NRG1: variants seen among roughly 807,000 people sequenced by gnomAD.
The protein encoded by NRG1 is pro-neuregulin-1, membrane-bound isoform.
In NRG1, 18 loss-of-function variants were observed where a neutral mutation model predicts 63.8. The ratio of observed to expected loss-of-function variants is 0.28; its 90% confidence interval spans 0.19 to 0.42. The LOEUF (loss-of-function observed/expected upper bound fraction) is 0.42, where lower values mean the gene tolerates loss of function less well. Ranked by LOEUF, NRG1 falls within the 10% of genes least tolerant of loss-of-function variation. The pLI is 1.00. For synonymous variants in NRG1, 302 were observed against 301.3 expected, an observed-to-expected ratio of 1.00 and a Z score of -0.02; for missense variants, 762 against 814.7, an observed-to-expected ratio of 0.94 and a Z score of 0.79.
At position 32,522,858 on chromosome 8, in the gene NRG1, T is replaced by C. The variant is rs1830467740; in HGVS notation, c.38-72970T>C. Among the ~76,000 whole-genome samples, 3 of 151,774 alleles carry C rather than the reference T, an allele frequency of 2.0e-5. No homozygotes were observed. In the South Asian group the frequency reaches 6.3e-4, roughly 32 times the overall value. On this transcript the variant is annotated intron_variant, in intron 1 of 10. Transcript: ENST00000519301. Reference sequence around the variant, plus strand: ...TCTGGCTTTGTCACCTAGGCTGGACTGCAGTGGTGCCATCATAGCTCACTG... The same window carrying C: ...TCTGGCTTTGTCACCTAGGCTGGACCGCAGTGGTGCCATCATAGCTCACTG...
At chr8:32,223,402 T>C (rs969134347) in intron 1 of NRG1, among the ~76,000 whole-genome samples, 1 of 152,126 alleles carries the variant, frequency 6.6e-6, no homozygotes, top group African/African-American at 2.4e-5. Flanking sequence ...CATTTTTTGG[T>C]TTTATATTAG....
intron 1 of NRG1, among the ~76,000 whole-genome samples, chr8:31,731,992 A>C (rs999030117): frequency 1.5e-4 from 23 of 152,220 alleles, no homozygotes; most frequent in African/African-American, 5.5e-4. Context: ...TGCTCAGTAC[A>C]TTTTAATTCT....
At chr8:32,140,102 G>T (rs768113952) in intron 1 of NRG1, among the ~76,000 whole-genome samples, 6 of 152,132 alleles carry the variant, frequency 3.9e-5, no homozygotes, top group Admixed American at 1.3e-4. Flanking sequence ...TTTATGTCTA[G>T]TCCCTCACTC....
intron 1 of NRG1, among the ~76,000 whole-genome samples, chr8:31,808,995 C>A (rs1822568966): frequency 6.6e-6 from 1 of 151,906 alleles, no homozygotes. Context: ...CTGAAAATAT[C>A]TTTGCTCTTA....
At chr8:32,515,048 T>C (rs1217856287) in intron 1 of NRG1, among the ~76,000 whole-genome samples, 1 of 139,234 alleles carries the variant, frequency 7.2e-6, no homozygotes, top group Non-Finnish European at 1.5e-5. Flanking sequence ...GTTGAGTCCA[T>C]GTCTGCTATT....
intron 1 of NRG1, among the ~76,000 whole-genome samples, chr8:32,506,336 C>T (rs78555137): frequency 3.9e-4 from 59 of 152,194 alleles, no homozygotes; most frequent in African/African-American, 1.3e-3. Context: ...AGGACTTCAT[C>T]GAATTTCTTT....
chr8:32,049,542 A>G (rs1473499796), intron 1 of NRG1, among the ~76,000 whole-genome samples: 1 of 152,196 alleles, frequency 6.6e-6, no homozygotes, highest in Non-Finnish European at 1.5e-5. Context: ...TTTCATTACC[A>G]TTAGAAAGAA....
intron 1 of NRG1, among the ~76,000 whole-genome samples, chr8:31,817,115 G>A (rs1008476580): frequency 3.1e-4 from 47 of 152,162 alleles, no homozygotes; most frequent in Admixed American, 2.1e-3. Context: ...TACCAAAGCT[G>A]ACAGAGCTTC....
At chr8:32,212,993 C>T (rs537169228) in intron 1 of NRG1, among the ~76,000 whole-genome samples, 4 of 152,270 alleles carry the variant, frequency 2.6e-5, no homozygotes, top group African/African-American at 9.6e-5. Flanking sequence ...TGGTTTTTAT[C>T]ACCAGTTCCC....
chr8:32,313,355 C>A (rs1298566500), intron 1 of NRG1, among the ~76,000 whole-genome samples: 1 of 152,090 alleles, frequency 6.6e-6, no homozygotes, highest in Non-Finnish European at 1.5e-5. Flanking sequence ...ACTTGTTTGC[C>A]ACTACTCAGC....
At chr8:31,988,547 C>T (rs962631888) in intron 1 of NRG1, among the ~76,000 whole-genome samples, 1 of 152,048 alleles carries the variant, frequency 6.6e-6, no homozygotes, top group African/African-American at 2.4e-5. Flanking sequence ...CTTCTTTACT[C>T]TGGTACTGAA....
At chr8:32,234,790 C>A (rs914731089) in intron 1 of NRG1, among the ~76,000 whole-genome samples, 1 of 152,010 alleles carries the variant, frequency 6.6e-6, no homozygotes. Flanking sequence ...CATTACTGAC[C>A]AACTGTGTGC....
At chr8:32,597,313 A>C (rs1389477162) in intron 2 of NRG1, among the ~76,000 whole-genome samples, 1 of 152,178 alleles carries the variant, frequency 6.6e-6, no homozygotes, top group Non-Finnish European at 1.5e-5. Flanking sequence ...TGAGAATTAA[A>C]TTTAATCTTA....
At chr8:32,001,173 T>A (rs1812862332) in intron 1 of NRG1, among the ~76,000 whole-genome samples, 1 of 152,068 alleles carries the variant, frequency 6.6e-6, no homozygotes, top group Admixed American at 6.6e-5. Flanking sequence ...TCTGATATTA[T>A]TTGGCTCTGT....
At chr8:31,833,878 T>C (rs1231931634) in intron 1 of NRG1, among the ~76,000 whole-genome samples, 1 of 152,188 alleles carries the variant, frequency 6.6e-6, no homozygotes, top group African/African-American at 2.4e-5. Context: ...AAGTTTTTCT[T>C]TGCTTCAAGG....
intron 1 of NRG1, among the ~76,000 whole-genome samples, chr8:31,944,224 CT>C (rs1391085222): frequency 6.6e-6 from 1 of 152,156 alleles, no homozygotes; most frequent in African/African-American, 2.4e-5. Context: ...TTGTCTAACC[CT>C]TTCATTTTCA....
At chr8:31,837,088 T>C (rs1825749665) in intron 1 of NRG1, among the ~76,000 whole-genome samples, 1 of 152,084 alleles carries the variant, frequency 6.6e-6, no homozygotes, top group Admixed American at 6.6e-5. Context: ...TATGTTTGTA[T>C]GCTTTGTCCA....
At chr8:31,758,506 A>C (rs550844567) in intron 1 of NRG1, among the ~76,000 whole-genome samples, 1 of 152,292 alleles carries the variant, frequency 6.6e-6, no homozygotes, top group East Asian at 1.9e-4. Context: ...AAACTGTGGC[A>C]CATACACACC....
At chr8:32,576,245 A>G (rs1839609925) in intron 1 of NRG1, among the ~76,000 whole-genome samples, 2 of 152,238 alleles carry the variant, frequency 1.3e-5, no homozygotes, top group Non-Finnish European at 2.9e-5. Context: ...TCCATCTCAC[A>G]TGACACATAA....
Sources: allele counts gnomAD v4.1 joint callset (sites outside exome capture counted in the v4.1 genomes callset), GRCh38; gene constraint gnomAD v4.1.1; transcripts MANE v1.5; gene names NCBI Gene and HGNC (gene_info 2026-07-23, HGNC 2026-07-21).